Variants in SEMA3E observed in about 807,000 individuals in gnomAD.
The protein encoded by SEMA3E is semaphorin 3E.
In SEMA3E, 49 loss-of-function variants were observed where a neutral mutation model predicts 93.6. The ratio of observed to expected loss-of-function variants is 0.52; its 90% CI spans 0.42 to 0.66. The LOEUF (loss-of-function observed/expected upper bound fraction) is 0.66. SEMA3E is among the 30% of genes least tolerant of loss of function. The pLI, the probability that SEMA3E is intolerant of heterozygous loss-of-function variation, is 0.00. For missense variants in SEMA3E, 906 were observed against 964.8 expected (o/e 0.94, Z 0.81); for synonymous variants, 363 against 330.7 (o/e 1.10, Z -1.06).
chr7:83,602,832 G>A (rs1029546643), intron 1 of SEMA3E, among the ~76,000 whole-genome samples: 7 of 151,996 alleles, frequency 4.6e-5, no homozygotes, highest in Non-Finnish European at 1.0e-4. Flanking sequence ...ATCACCTTTT[G>A]TTTGTAATGA....
At chr7:83,570,952 A>G (rs1223549237) in intron 1 of SEMA3E, among the ~76,000 whole-genome samples, 2 of 151,870 alleles carry the variant, frequency 1.3e-5, no homozygotes, top group African/African-American at 4.8e-5. Context: ...ATCTAGAGGA[A>G]ATGAATAAAT....
chr7:83,378,034 G>A (rs893590753), intron 16 of SEMA3E, among the ~76,000 whole-genome samples: 2 of 151,790 alleles, frequency 1.3e-5, no homozygotes, highest in Non-Finnish European at 2.9e-5. Flanking sequence ...GTATAGTGGT[G>A]ATTTGGCTAT....
At chr7:83,547,825 A>C (rs1791682608) in intron 1 of SEMA3E, among the ~76,000 whole-genome samples, 1 of 152,060 alleles carries the variant, frequency 6.6e-6, no homozygotes, top group African/African-American at 2.4e-5. Flanking sequence ...TGAGGCAAGC[A>C]GCCAGACTCC....
intron 1 of SEMA3E, among the ~76,000 whole-genome samples, chr7:83,509,933 A>G (rs1232436400): frequency 6.6e-6 from 1 of 152,218 alleles, no homozygotes; most frequent in Non-Finnish European, 1.5e-5. Flanking sequence ...CAAACTTGCC[A>G]GAATGTTCCA....
chr7:83,582,570 G>A (rs1339502682), intron 1 of SEMA3E, among the ~76,000 whole-genome samples: 16 of 151,900 alleles, frequency 1.1e-4, no homozygotes, highest in Admixed American at 1.1e-3. Flanking sequence ...AAAATCCCTG[G>A]GATAAATGGC....
Position 83,380,893 on chromosome 7 carries a change from C to T in SEMA3E, c.1875+4401G>A, listed in dbSNP as rs1787763080. Among the ~76,000 whole-genome samples the T allele has an allele frequency of 2.6e-5, 4 of 151,964 alleles. No homozygotes were observed. In the South Asian group the frequency reaches 6.2e-4, roughly 24 times the overall value. ...TATTCCATCTGAGATGCTAAACAGC[C>T]TTCACATTTCTTAATAGTGAAAAAT... On this transcript the variant is annotated intron_variant, in intron 16 of 16. Transcript: ENST00000643230.
At chr7:83,387,851 T>TAACATTATATATG (rs1300282541) in intron 14 of SEMA3E, among the ~76,000 whole-genome samples, 15 of 119,716 alleles carry the variant, frequency 1.3e-4, no homozygotes, top group East Asian at 8.1e-4. Context: ...TATATATATG[T>TAACATTATATATG]TTATATATAT....
chr7:83,430,192 C>T (rs1033678348), intron 4 of SEMA3E, among the ~76,000 whole-genome samples: 4 of 152,014 alleles, frequency 2.6e-5, no homozygotes, highest in Non-Finnish European at 2.9e-5. Context: ...GGGCCGGGTA[C>T]GGTGGCTCAT....
chr7:83,530,876 C>A (rs567887331), intron 1 of SEMA3E, among the ~76,000 whole-genome samples: 1 of 101,614 alleles, frequency 9.8e-6, no homozygotes, highest in South Asian at 3.7e-4. Context: ...GAAACTCCGT[C>A]GGGGGAAAAA....
rs1014591259 is a variant in SEMA3E, at chr7:83,574,508, G to A, written c.115+73920C>T. On this transcript the variant is annotated intron_variant, in intron 1 of 16. Coordinates refer to ENST00000643230, the MANE Select transcript of SEMA3E (RefSeq NM_012431.3). Reference sequence around the variant, plus strand: ...ACTAAGGTAGATTGTTTGCAAAATAGCCACAATAATTCAGTTCCTGGTATC... The same window carrying A: ...ACTAAGGTAGATTGTTTGCAAAATAACCACAATAATTCAGTTCCTGGTATC... Among the ~76,000 whole-genome samples the A allele has an allele frequency of 2.0e-5, 3 of 150,596 alleles. No individual in the cohort carries two copies. The East Asian group carries it at 5.8e-4, about 29-fold the overall frequency.
At chr7:83,595,156 C>A (rs114634329) in intron 1 of SEMA3E, among the ~76,000 whole-genome samples, 14 of 152,050 alleles carry the variant, frequency 9.2e-5, no homozygotes, top group Admixed American at 2.0e-4. Context: ...GATTGAGCAT[C>A]GCCTACTTTC....
intron 12 of SEMA3E, among the ~76,000 whole-genome samples, chr7:83,395,218 T>C (rs1788098924): frequency 6.6e-6 from 1 of 152,154 alleles, no homozygotes; most frequent in Non-Finnish European, 1.5e-5. Context: ...TAACATGAAA[T>C]GAAATCTTAT....
rs1450201512 is a variant in SEMA3E, at chr7:83,639,142, A to G, written c.115+9286T>C. Among the ~76,000 whole-genome samples, 9 of 95,038 alleles carry G rather than the reference A, an allele frequency of 9.5e-5. 2 individuals are homozygous for G. In the East Asian group the frequency reaches 2.5e-3, roughly 27 times the overall value. The allele number at this position is 95,038 out of a possible 152,430, so 62.3% of individuals were successfully genotyped here. A position where few individuals can be genotyped will look rare whatever the true frequency, so the allele number is the denominator to read the frequency against. ...AAAAAAAAAAAAAAAAAAAAAAAAC[A>G]GAGATTCCTGAGCCTCAGAATTATT... is the stretch of plus-strand genomic sequence containing the variant. On this transcript the variant is annotated intron_variant, in intron 1 of 16. Coordinates refer to ENST00000643230, the MANE Select transcript of SEMA3E (RefSeq NM_012431.3).
At chr7:83,551,966 A>G (rs559255844) in intron 1 of SEMA3E, among the ~76,000 whole-genome samples, 1 of 152,318 alleles carries the variant, frequency 6.6e-6, no homozygotes, top group Non-Finnish European at 1.5e-5. Context: ...ATTATATTTT[A>G]TATTAGACAT....
At chr7:83,574,597 A>G (rs1288526773) in intron 1 of SEMA3E, among the ~76,000 whole-genome samples, 4 of 152,154 alleles carry the variant, frequency 2.6e-5, no homozygotes, top group East Asian at 3.9e-4. Flanking sequence ...TCTTTGCTCA[A>G]TGAGACAAAA....
intron 4 of SEMA3E, among the ~76,000 whole-genome samples, chr7:83,452,048 T>C (rs1285702267): frequency 2.0e-5 from 3 of 152,212 alleles, no homozygotes. Context: ...ATTAAATACA[T>C]TATGGTTTAT....
intron 8 of SEMA3E, 103 bp downstream of exon 8, chr7:83,405,842 G>T: frequency 1.1e-6 from 1 of 906,326 alleles, no homozygotes; most frequent in Non-Finnish European, 1.8e-6. Flanking sequence ...ATGTTAGATA[G>T]AGGTCAAATA....
intron 4 of SEMA3E, among the ~76,000 whole-genome samples, chr7:83,448,018 T>C (rs1035516919): frequency 5.3e-5 from 8 of 152,250 alleles, no homozygotes; most frequent in African/African-American, 1.9e-4. Flanking sequence ...CAATGTGGAA[T>C]TTTGAAAGTT....
At chr7:83,536,425 A>C (rs1791411373) in intron 1 of SEMA3E, among the ~76,000 whole-genome samples, 1 of 152,104 alleles carries the variant, frequency 6.6e-6, no homozygotes, top group Non-Finnish European at 1.5e-5. Context: ...GTCTAATATA[A>C]ATGTACCTGA....
Sources: gnomAD v4.1 joint callset for allele counts (sites outside exome capture counted in the v4.1 genomes callset) on GRCh38, gnomAD v4.1.1 for gene constraint, MANE v1.5 for transcripts, NCBI Gene and HGNC (gene_info 2026-07-23, HGNC 2026-07-21) for gene names.